THADA: variants seen among roughly 807,000 people sequenced by gnomAD.
The protein encoded by THADA is THADA armadillo repeat containing, also known as tRNA (32-2'-O)-methyltransferase regulator THADA.
A neutral mutation model predicts 219.8 loss-of-function variants in THADA; 213 were observed. The ratio of observed to expected loss-of-function variants is 0.97; its 90% confidence interval spans 0.87 to 1.09. THADA has a LOEUF of 1.09. Ranked by LOEUF, THADA falls within the 50% of genes least tolerant of loss-of-function variation. THADA has a pLI of 0.00. For synonymous variants in THADA, 1,018 were observed against 828.9 expected, an observed-to-expected ratio of 1.23 and a Z score of -3.92; for missense variants, 2,956 against 2,311.3, an observed-to-expected ratio of 1.28 and a Z score of -5.72.
chr2:43,434,103 A>C (rs937114781), intron 26 of THADA, among the ~76,000 whole-genome samples: 6 of 152,352 alleles, frequency 3.9e-5, no homozygotes, highest in Middle Eastern at 3.4e-3. Flanking sequence ...GCTAAAAAAA[A>C]CCATAACACT....
At chr2:43,366,814 A>G (rs912521724) in intron 29 of THADA, among the ~76,000 whole-genome samples, 3 of 152,238 alleles carry the variant, frequency 2.0e-5, no homozygotes, top group African/African-American at 7.2e-5. Flanking sequence ...AGGGTCTCAA[A>G]GAGATATTTG....
rs142373101 is a variant in THADA, at chr2:43,559,583, C to T, written c.2463+651G>A. Among the ~76,000 whole-genome samples, 783 of 152,292 alleles carry T rather than the reference C, an allele frequency of 5.1e-3. 6 individuals carry two copies. Among genetic ancestry groups the T allele is most frequent in the African/African-American group, 0.016 (659 of 41,558 alleles). Reference sequence around the variant, plus strand: ...CCTAGGAGAAGCCTCAAGGGCAGAGCTAAGAGCCAGGGTCTGGAAGTCCCC... The same window carrying T: ...CCTAGGAGAAGCCTCAAGGGCAGAGTTAAGAGCCAGGGTCTGGAAGTCCCC... On this transcript the variant is annotated intron_variant, in intron 16 of 37. Transcript: ENST00000405975.
chr2:43,421,352 C>T (rs1558733996), intron 28 of THADA, among the ~76,000 whole-genome samples: 1 of 152,148 alleles, frequency 6.6e-6, no homozygotes, highest in Non-Finnish European at 1.5e-5. Context: ...GGGGCATACT[C>T]CTTTCCTATA....
chr2:43,294,905 T>C lies in THADA; in HGVS notation c.4439-1692A>G, dbSNP rs144815324. ...TAGGGAATGAGGGTGCGGACTAGGGTAGGAGTCTCGGGTACCTCCCAGCAC... is the reference window on the plus strand; with the variant it reads ...TAGGGAATGAGGGTGCGGACTAGGGCAGGAGTCTCGGGTACCTCCCAGCAC... On this transcript the variant is annotated intron_variant, in intron 31 of 37. Coordinates refer to ENST00000405975, the MANE Select transcript of THADA (RefSeq NM_022065.5). Among the ~76,000 whole-genome samples the C allele has an allele frequency of 2.2e-4, 34 of 151,782 alleles. No homozygotes were observed. The East Asian group carries it at 5.8e-3, about 26-fold the overall frequency.
At chr2:43,557,036 T>C (rs1037643803) in intron 16 of THADA, among the ~76,000 whole-genome samples, 8 of 152,164 alleles carry the variant, frequency 5.3e-5, no homozygotes, top group Non-Finnish European at 7.3e-5. Flanking sequence ...TGAGCAGTGA[T>C]TGCACCACTG....
At chr2:43,317,901 G>GA in intron 31 of THADA, among the ~76,000 whole-genome samples, 1 of 152,156 alleles carries the variant, frequency 6.6e-6, no homozygotes, top group South Asian at 2.1e-4. Context: ...CATTAATAAT[G>GA]TTACTGTAAT....
chr2:43,486,267 T>G (rs529917118), intron 25 of THADA, among the ~76,000 whole-genome samples: 1 of 152,356 alleles, frequency 6.6e-6, no homozygotes, highest in South Asian at 2.1e-4. Flanking sequence ...GGAATTACCA[T>G]GAATAAACAC....
chr2:43,571,930 G>A (rs1699350040), intron 12 of THADA, 68 bp from the exon 13 acceptor site: 1 of 1,508,634 alleles, frequency 6.6e-7, no homozygotes, highest in African/African-American at 1.4e-5. Flanking sequence ...CACTTGAATT[G>A]CTTACTTACA....
At chr2:43,403,227 GA>G (rs1675087260) in intron 28 of THADA, among the ~76,000 whole-genome samples, 1 of 152,094 alleles carries the variant, frequency 6.6e-6, no homozygotes, top group Non-Finnish European at 1.5e-5. Flanking sequence ...AAAATCCCCA[GA>G]GCCTTGGAAA....
At chr2:43,507,432 G>A (rs562370051) in intron 23 of THADA, among the ~76,000 whole-genome samples, 5 of 152,236 alleles carry the variant, frequency 3.3e-5, no homozygotes, top group Middle Eastern at 3.4e-3. Flanking sequence ...CAAATGACAC[G>A]TAAAAACACA....
chr2:43,519,121 C>T (rs1398678303), intron 22 of THADA, among the ~76,000 whole-genome samples: 1 of 151,972 alleles, frequency 6.6e-6, no homozygotes, highest in Admixed American at 6.6e-5. Context: ...TTGTCTTGGT[C>T]TTTAACGTCT....
At chr2:43,375,939 G>C (rs1283556785) in intron 29 of THADA, among the ~76,000 whole-genome samples, 1 of 152,176 alleles carries the variant, frequency 6.6e-6, no homozygotes, top group Non-Finnish European at 1.5e-5. Flanking sequence ...ATCAGTGTCA[G>C]TGTTCACAAC....
intron 31 of THADA, among the ~76,000 whole-genome samples, chr2:43,302,366 G>C (rs1179717272): frequency 1.3e-5 from 2 of 151,558 alleles, no homozygotes; most frequent in African/African-American, 2.4e-5. Context: ...GAAAGTCTTT[G>C]TACTTTCCCA....
At chr2:43,594,198 A>G (rs907010475) in intron 1 of THADA, among the ~76,000 whole-genome samples, 2 of 152,094 alleles carry the variant, frequency 1.3e-5, no homozygotes, top group African/African-American at 4.8e-5. Context: ...CATCAAAGCA[A>G]TCTCTTTAAA....
chr2:43,542,103 T>A (rs1357195247), intron 20 of THADA, among the ~76,000 whole-genome samples: 1 of 152,214 alleles, frequency 6.6e-6, no homozygotes, highest in Non-Finnish European at 1.5e-5. Flanking sequence ...GTTTTAGGAG[T>A]ATTTTTGGTA....
At chr2:43,270,879 TA>T (rs1672038930) in intron 36 of THADA, among the ~76,000 whole-genome samples, 1 of 151,726 alleles carries the variant, frequency 6.6e-6, no homozygotes, top group Non-Finnish European at 1.5e-5. Context: ...AAAATATAAA[TA>T]AAATGGAGGA....
chr2:43,586,107 T>C (rs1444075871), intron 7 of THADA, among the ~76,000 whole-genome samples: 10 of 151,154 alleles, frequency 6.6e-5, no homozygotes, highest in Admixed American at 6.6e-4. Context: ...TCCAAAAAAA[T>C]AAAAAAAACT....
intron 36 of THADA, among the ~76,000 whole-genome samples, chr2:43,234,104 C>A (rs1367565741): frequency 6.6e-6 from 1 of 152,168 alleles, no homozygotes; most frequent in Admixed American, 6.5e-5. Context: ...GAGTGCCAGG[C>A]CCTGATCAAA....
chr2:43,362,987 C>T (rs1397596581), intron 29 of THADA, among the ~76,000 whole-genome samples: 5 of 152,190 alleles, frequency 3.3e-5, no homozygotes, highest in Admixed American at 6.5e-5. Context: ...TCTTCCACTT[C>T]CACATCCTGG....
Sources: gnomAD v4.1 joint callset for allele counts (sites outside exome capture counted in the v4.1 genomes callset) on GRCh38, gnomAD v4.1.1 for gene constraint, MANE v1.5 for transcripts, NCBI Gene and HGNC (gene_info 2026-07-23, HGNC 2026-07-21) for gene names.